The following KLHL29 variants were observed in gnomAD, a reference collection of about 807,000 sequenced individuals.
KLHL29 encodes kelch-like protein 29.
Under a neutral mutation model 80.4 loss-of-function variants are expected in KLHL29, and 21 were observed. That is an observed-to-expected ratio of 0.26 (90% CI 0.19 to 0.38). The LOEUF (loss-of-function observed/expected upper bound fraction) is 0.38. KLHL29 is among the 10% of genes least tolerant of loss of function. KLHL29 has a pLI of 1.00. For missense variants in KLHL29, 867 were observed against 1,223.9 expected (o/e 0.71, Z 4.35); for synonymous variants, 511 against 526.8 (o/e 0.97, Z 0.41).
intron 2 of KLHL29, among the ~76,000 whole-genome samples, chr2:23,533,417 T>G (rs553547388): frequency 1.3e-5 from 2 of 152,210 alleles, no homozygotes; most frequent in Admixed American, 6.5e-5. Flanking sequence ...TGTGGAGACT[T>G]GTAGCTCCTG....
intron 2 of KLHL29, among the ~76,000 whole-genome samples, chr2:23,544,724 C>T (rs1462031802): frequency 4.6e-5 from 7 of 152,060 alleles, no homozygotes; most frequent in African/African-American, 1.7e-4. Flanking sequence ...GAACGCTGGC[C>T]GTGTGGATAG....
At chr2:23,692,374 CG>C (rs966896806) in intron 7 of KLHL29, among the ~76,000 whole-genome samples, 34 of 152,210 alleles carry the variant, frequency 2.2e-4, no homozygotes, top group African/African-American at 7.7e-4. Context: ...CAGGAGCTCC[CG>C]GGGGGGTCGC....
chr2:23,514,689 C>A (rs1255669059), intron 2 of KLHL29, among the ~76,000 whole-genome samples: 1 of 152,148 alleles, frequency 6.6e-6, no homozygotes, highest in Non-Finnish European at 1.5e-5. Context: ...TTTGAGGCAC[C>A]GTTAGGAAGA....
At chr2:23,537,704 C>T (rs915284626) in intron 2 of KLHL29, among the ~76,000 whole-genome samples, 5 of 152,128 alleles carry the variant, frequency 3.3e-5, no homozygotes, top group African/African-American at 1.2e-4. Flanking sequence ...AGATGTGGGG[C>T]ATCTGGAGCT....
intron 11 of KLHL29, among the ~76,000 whole-genome samples, chr2:23,698,223 A>C (rs917888256): frequency 1.3e-5 from 2 of 152,116 alleles, no homozygotes. Flanking sequence ...CAAGAGATGA[A>C]GGACAAAAGG....
intron 2 of KLHL29, among the ~76,000 whole-genome samples, chr2:23,549,988 C>T (rs996165602): frequency 6.6e-6 from 1 of 152,164 alleles, no homozygotes; most frequent in East Asian, 1.9e-4. Flanking sequence ...AGCTGGGCCA[C>T]CCTGGGGTTC....
intron 1 of KLHL29, among the ~76,000 whole-genome samples, chr2:23,464,254 G>GCTCATTTC (rs1415517576): frequency 3.9e-5 from 6 of 152,204 alleles, no homozygotes; most frequent in Admixed American, 3.9e-4. Context: ...CTTGTTGGAG[G>GCTCATTTC]CTCATTTCCC....
intron 2 of KLHL29, among the ~76,000 whole-genome samples, chr2:23,533,776 G>T (rs1029311903): frequency 2.6e-5 from 4 of 152,228 alleles, no homozygotes; most frequent in Admixed American, 6.5e-5. Context: ...AGATCCGCTT[G>T]TGGACAGTTG....
intron 2 of KLHL29, among the ~76,000 whole-genome samples, chr2:23,507,986 A>G (rs1665652436): frequency 6.6e-6 from 1 of 152,214 alleles, no homozygotes; most frequent in South Asian, 2.1e-4. Flanking sequence ...AAATACAGAC[A>G]AGGCCATAGA....
rs907840230 is a variant in KLHL29, at chr2:23,696,036, C to G, written c.1827C>G (p.Asn609Lys). ...CGCTGGTGGCCGTCACCTGCTGGAA[C>G]CCGCAGAACAACAAGTGGTACCCCT... is the stretch of plus-strand genomic sequence containing the variant. ...QRSLVAVTCW[N>K]PQNNKWYPLA... Residue 609 changes from asparagine (N) to lysine (K), a missense_variant, in exon 10 of 14, where the codon AAC becomes AAG. Around this residue, in one of 2 missense-constraint regions of KLHL29, gnomAD observed 443 missense variants for 767.0 expected, o/e 0.58. Coordinates refer to ENST00000486442, the MANE Select transcript of KLHL29 (RefSeq NM_052920.2). This position sits in a 1 kb window ranked among gnomAD's most constrained non-coding sequence, Gnocchi z 5.5. The G allele has an allele frequency of 1.3e-6, 2 of 1,551,636 alleles. No homozygotes were observed. Among genetic ancestry groups the G allele is most frequent in the Admixed American group, 3.9e-5 (2 of 50,992 alleles).
chr2:23,396,036 T>C lies in KLHL29; in HGVS notation c.-154+10256T>C, dbSNP rs945628292. Among the ~76,000 whole-genome samples the C allele has an allele frequency of 5.3e-5, 8 of 152,364 alleles. No homozygotes were observed. In the South Asian group the frequency reaches 6.2e-4, roughly 12 times the overall value. On this transcript the variant is annotated intron_variant, in intron 1 of 13. Transcript: ENST00000486442. ...CCTGGAAGAAACCTAGCTGCAGTTG[T>C]CTTGCCAAAGCAAGACATGTCCCGT...
chr2:23,387,218 A>G (rs1666207511), intron 1 of KLHL29, among the ~76,000 whole-genome samples: 1 of 152,150 alleles, frequency 6.6e-6, no homozygotes, highest in Admixed American at 6.5e-5. Flanking sequence ...TGCCTGCGAA[A>G]CTTCCACTTC....
At chr2:23,679,655 T>C (rs1671020935) in intron 5 of KLHL29, among the ~76,000 whole-genome samples, 3 of 151,950 alleles carry the variant, frequency 2.0e-5, no homozygotes, top group African/African-American at 7.3e-5. Flanking sequence ...GTGTCGAAGA[T>C]AAAAATATGA....
chr2:23,648,708 C>T (rs1200167988), intron 5 of KLHL29, among the ~76,000 whole-genome samples: 2 of 152,160 alleles, frequency 1.3e-5, no homozygotes, highest in Non-Finnish European at 2.9e-5. Flanking sequence ...TCCATGGCCA[C>T]GTCAATAGAT....
At chr2:23,643,127 C>G (rs987115471) in intron 5 of KLHL29, 1 of 587,474 alleles carries the variant, frequency 1.7e-6, no homozygotes, top group African/African-American at 1.8e-5. Flanking sequence ...AGCCCGTCCC[C>G]CTCCAGCCCA....
intron 5 of KLHL29, among the ~76,000 whole-genome samples, chr2:23,646,541 T>C (rs1669938652): frequency 6.6e-6 from 1 of 152,166 alleles, no homozygotes; most frequent in Non-Finnish European, 1.5e-5. Flanking sequence ...GGGAAAGGTA[T>C]CTCTTCGGAC....
Position 23,642,822 on chromosome 2 carries a change from T to C in KLHL29, c.912T>C (p.Tyr304=), listed in dbSNP as rs1360912599. ...QMLRTIGVGK[Y]EFTDPGHPRE... ...TGCGGACCATTGGCGTGGGGAAGTATGAGTTCACCGACCCGGGGCACCCCA... is the reference window on the plus strand; with the variant it reads ...TGCGGACCATTGGCGTGGGGAAGTACGAGTTCACCGACCCGGGGCACCCCA... Residue 304 remains tyrosine, a synonymous_variant, in exon 5 of 14, where the codon TAT becomes TAC. Coordinates refer to ENST00000486442, the MANE Select transcript of KLHL29 (RefSeq NM_052920.2). 1.3e-6 allele frequency: 2 copies of C among 1,550,100 alleles called. No homozygotes were observed. Among genetic ancestry groups the C allele is most frequent in the Non-Finnish European group, 1.7e-6 (2 of 1,146,844 alleles).
At chr2:23,442,580 T>G (rs1558340027) in intron 1 of KLHL29, among the ~76,000 whole-genome samples, 2 of 152,202 alleles carry the variant, frequency 1.3e-5, no homozygotes, top group African/African-American at 4.8e-5. Context: ...CCCCGGAGCC[T>G]CCAGAAGGAA....
intron 2 of KLHL29, among the ~76,000 whole-genome samples, chr2:23,525,916 G>A (rs1412872025): frequency 6.6e-6 from 1 of 152,204 alleles, no homozygotes; most frequent in Non-Finnish European, 1.5e-5. Flanking sequence ...GAGCTGGCAC[G>A]AAGCTTCCTC....
Sources: allele counts gnomAD v4.1 joint callset (sites outside exome capture counted in the v4.1 genomes callset), GRCh38; gene constraint gnomAD v4.1.1; regional missense constraint gnomAD v4.1.1; non-coding constraint Gnocchi (gnomAD v3.1); transcripts MANE v1.5; gene names NCBI Gene and HGNC (gene_info 2026-07-23, HGNC 2026-07-21).